Variants in ZNF410 observed in about 807,000 individuals in gnomAD.
ZNF410 encodes the protein another partner for ARF 1.
In ZNF410, 18 loss-of-function variants were observed where a neutral mutation model predicts 54.8. The observed-to-expected ratio is 0.33, with a 90% CI of 0.23 to 0.49. The LOEUF (loss-of-function observed/expected upper bound fraction) is 0.49. Ranked by LOEUF, ZNF410 falls within the 20% of genes least tolerant of loss-of-function variation. The pLI, the probability that ZNF410 is intolerant of heterozygous loss-of-function variation, is 0.99. For missense variants in ZNF410, 405 were observed against 569.6 expected (o/e 0.71, Z 2.94); for synonymous variants, 191 against 207.3 (o/e 0.92, Z 0.68).
In ZNF410 at chr14:73,910,769, AAAAAG is replaced by A. The variant is rs1216257627; in HGVS notation, c.1003+1340_1003+1344del. Among the ~76,000 whole-genome samples the A allele has an allele frequency of 7.3e-5, 11 of 151,072 alleles. No individual in the cohort carries two copies. In the South Asian group the frequency reaches 1.5e-3, roughly 20 times the overall value. Reference sequence around the variant, plus strand: ...ACTCCGTCTCAAAAAAAAAAAAAAAAAAAAGCATGGTAGTTTCAGGAGGTTGAGGC... The same window carrying A: ...ACTCCGTCTCAAAAAAAAAAAAAAAACATGGTAGTTTCAGGAGGTTGAGGC... On this transcript the variant is annotated intron_variant, in intron 8 of 11. Coordinates refer to ENST00000555044, the MANE Select transcript of ZNF410 (RefSeq NM_021188.3).
Position 73,893,790 on chromosome 14 carries a change from C to T in ZNF410, c.34-7C>T. On this transcript the variant is annotated splice_polypyrimidine_tract_variant and splice_region_variant and intron_variant, in intron 2 of 11. Transcript: ENST00000555044. ...GTATTTCTCAGTGTTGTCTTTTCTC[C>T]CCCCAGCTCCTGGTACAGTTTGTTC... 6.3e-7 allele frequency: 1 copy of T among 1,590,220 alleles called. No homozygotes were observed. Among genetic ancestry groups the T allele is most frequent in the Non-Finnish European group, 8.5e-7 (1 of 1,173,090 alleles).
intron 8 of ZNF410, 168 bp downstream of exon 8, chr14:73,909,598 A>T (rs2055544969): frequency 2.1e-6 from 1 of 483,574 alleles, no homozygotes; most frequent in African/African-American, 2.1e-5. Flanking sequence ...TAATTCTTAT[A>T]ATCAAGGTTG....
Position 73,891,091 on chromosome 14 carries a change from CTT to C in ZNF410, c.-149-925_-149-924del, listed in dbSNP as rs34857294. The stretch of plus-strand genomic sequence containing the variant: ...TTGGGAAACGCTCTTCAAATTTTAA[CTT>C]TTTTTTTTTTAAATGTAATTTTAAA... On this transcript the variant is annotated intron_variant, in intron 1 of 11. Transcript: ENST00000555044. 2.6e-3 allele frequency among the ~76,000 whole-genome samples: 392 copies of C among 149,214 alleles called. 3 individuals are homozygous for C. Among genetic ancestry groups the C allele is most frequent in the Middle Eastern group, 0.01 (3 of 288 alleles).
chr14:73,919,343 A>G (rs986192694), intron 8 of ZNF410, among the ~76,000 whole-genome samples: 6 of 152,022 alleles, frequency 3.9e-5, no homozygotes, highest in African/African-American at 1.4e-4. Flanking sequence ...CAGGTTTGTT[A>G]CAAGGGTATA....
At chr14:73,907,616 G>T (rs2055510644) in intron 7 of ZNF410, among the ~76,000 whole-genome samples, 1 of 151,924 alleles carries the variant, frequency 6.6e-6, no homozygotes, top group Non-Finnish European at 1.5e-5. Context: ...TTTTGACTGG[G>T]TGCAATGGCT....
intron 8 of ZNF410, 22 bp from the exon 9 acceptor site, chr14:73,920,958 T>C: frequency 6.2e-7 from 1 of 1,613,564 alleles, no homozygotes; most frequent in East Asian, 2.2e-5. Flanking sequence ...GGCTTCCTTG[T>C]TTAACCTGGT....
chr14:73,924,587 A>G (rs2055800844), intron 11 of ZNF410: 2 of 392,904 alleles, frequency 5.1e-6, no homozygotes, highest in African/African-American at 2.1e-5. Context: ...CACATTTCAT[A>G]TGCATAAACT....
intron 11 of ZNF410, among the ~76,000 whole-genome samples, chr14:73,929,610 G>A (rs2055882205): frequency 6.6e-6 from 1 of 152,062 alleles, no homozygotes; most frequent in South Asian, 2.1e-4. Flanking sequence ...GCTGGGGTGG[G>A]AGGATCAATT....
At position 73,921,061 on chromosome 14, in the gene ZNF410, A is replaced by G. The variant is rs771349841; in HGVS notation, c.1085A>G (p.His362Arg). Residue 362 changes from histidine to arginine, a missense_variant, in exon 9 of 12, where the codon CAC (histidine) becomes CGC (arginine). By Grantham distance (29) the His-to-Arg change is conservative. Coordinates refer to ENST00000555044, the MANE Select transcript of ZNF410 (RefSeq NM_021188.3). ...AGGAATGTGCATATGAGAAAGCATC[A>G]CCTGCAGCTGGGAGCAGCTGGGAGT... Reference protein sequence around the residue: ...GSRNVHMRKHHLQLGAAGSQE... With the variant: ...GSRNVHMRKHRLQLGAAGSQE... 2.5e-6 allele frequency: 4 copies of G among 1,613,896 alleles called. No individual in the cohort carries two copies. Among genetic ancestry groups the G allele is most frequent in the Admixed American group, 3.3e-5 (2 of 59,982 alleles).
At chr14:73,898,660 A>C in intron 5 of ZNF410, 1 of 271,622 alleles carries the variant, frequency 3.7e-6, no homozygotes, top group South Asian at 1.2e-4. Context: ...TAAAACTACC[A>C]AATCCATGAA....
At chr14:73,908,150 C>A (rs1458957510) in intron 7 of ZNF410, among the ~76,000 whole-genome samples, 2 of 152,080 alleles carry the variant, frequency 1.3e-5, no homozygotes, top group Non-Finnish European at 2.9e-5. Context: ...TGTTTTTCAC[C>A]ATTTTGCTGC....
At chr14:73,894,992 G>A (rs576976360) in intron 3 of ZNF410, among the ~76,000 whole-genome samples, 12 of 151,868 alleles carry the variant, frequency 7.9e-5, no homozygotes, top group African/African-American at 1.9e-4. Context: ...GCGAGACCTC[G>A]TCTCTACAAA....
At chr14:73,918,976 G>A (rs1487422329) in intron 8 of ZNF410, among the ~76,000 whole-genome samples, 3 of 140,962 alleles carry the variant, frequency 2.1e-5, no homozygotes, top group Non-Finnish European at 4.5e-5. Flanking sequence ...TGGATTACAG[G>A]AGTAAGCCAC....
chr14:73,924,978 T>C (rs751217579), intron 11 of ZNF410, among the ~76,000 whole-genome samples: 1 of 152,176 alleles, frequency 6.6e-6, no homozygotes, highest in Admixed American at 6.5e-5. Context: ...CACCCAGCCT[T>C]CTTCTTTTCA....
intron 7 of ZNF410, among the ~76,000 whole-genome samples, chr14:73,907,588 C>G (rs982341890): frequency 4.2e-4 from 63 of 149,854 alleles, no homozygotes; most frequent in African/African-American, 1.5e-3. Context: ...GAGCGAGACT[C>G]CATCTCAAAA....
intron 5 of ZNF410, among the ~76,000 whole-genome samples, chr14:73,899,093 A>T (rs1372762013): frequency 1.3e-5 from 2 of 152,076 alleles, no homozygotes; most frequent in African/African-American, 4.8e-5. Context: ...TATCATTATC[A>T]CAAACTAAGC....
chr14:73,911,417 G>A lies in ZNF410; in HGVS notation c.1003+1987G>A, dbSNP rs981897646. ...AAGCTACTGCAGCAGGAGCAAGGAA[G>A]TTGGAGAGTTATAAACAATCAGGGA... On this transcript the variant is annotated intron_variant, in intron 8 of 11. Coordinates refer to ENST00000555044, the MANE Select transcript of ZNF410 (RefSeq NM_021188.3). 2.7e-4 allele frequency among the ~76,000 whole-genome samples: 41 copies of A among 152,204 alleles called. 1 individual carries two copies. Among genetic ancestry groups the A allele is most frequent in the Non-Finnish European group, 7.3e-5 (5 of 68,040 alleles).
intron 5 of ZNF410, among the ~76,000 whole-genome samples, chr14:73,901,829 G>T (rs2055411769): frequency 6.6e-6 from 1 of 151,366 alleles, no homozygotes; most frequent in Non-Finnish European, 1.5e-5. Context: ...AGCTACTTGG[G>T]AGGCTGAGGT....
intron 1 of ZNF410, among the ~76,000 whole-genome samples, chr14:73,889,349 T>A (rs1410718006): frequency 1.3e-5 from 2 of 149,584 alleles, no homozygotes; most frequent in Non-Finnish European, 3.0e-5. Flanking sequence ...AATTGAAAAA[T>A]TTTTTTTTGT....
Sources: allele counts gnomAD v4.1 joint callset (sites outside exome capture counted in the v4.1 genomes callset), GRCh38; gene constraint gnomAD v4.1.1; transcripts MANE v1.5; gene names NCBI Gene and HGNC (gene_info 2026-07-23, HGNC 2026-07-21).